DENND1B: variants seen among roughly 807,000 people sequenced by gnomAD.
DENND1B encodes the protein DENN domain-containing protein 1B.
DENND1B carries 59 observed loss-of-function variants against 90.1 expected under a neutral mutation model. The observed-to-expected ratio is 0.65, with a 90% CI of 0.53 to 0.81. The LOEUF is 0.81. Among genes scored for constraint, DENND1B ranks in the 40% least tolerant of loss-of-function variants. The probability of loss-of-function intolerance (pLI) is 0.00; values close to 1 mark genes in which losing one functional copy is unlikely to be tolerated. For missense variants in DENND1B, 862 were observed against 912.6 expected (o/e 0.94, Z 0.71); for synonymous variants, 337 against 324.6 (o/e 1.04, Z -0.41).
chr1:197,581,963 T>C (rs1037578667), intron 15 of DENND1B, among the ~76,000 whole-genome samples: 2 of 152,198 alleles, frequency 1.3e-5, no homozygotes, highest in African/African-American at 4.8e-5. Context: ...TATAAAGCAC[T>C]ATCACTTGAT....
In DENND1B at chr1:197,672,135, T is replaced by C. The variant is rs763802199; in HGVS notation, c.198A>G (p.Gly66=). 2.5e-6 allele frequency: 4 copies of C among 1,610,742 alleles called. No homozygotes were observed. The highest frequency in any genetic ancestry group is 1.1e-5 in the South Asian group (1 of 90,524). ...DVERVSQNQV[G]QHFTFVLTDI... ...CTGTCAGTACAAAGGTAAAGTGCTGTCCAACTTGATTCTGAGACACCCTAA... is the reference window on the plus strand; with the variant it reads ...CTGTCAGTACAAAGGTAAAGTGCTGCCCAACTTGATTCTGAGACACCCTAA... Residue 66 remains glycine (G), a synonymous_variant, in exon 5 of 23, where the codon GGA becomes GGG. Coordinates refer to ENST00000620048, the MANE Select transcript of DENND1B (RefSeq NM_001195215.2).
intron 6 of DENND1B, among the ~76,000 whole-genome samples, chr1:197,657,060 A>G (rs961043914): frequency 1.3e-5 from 2 of 152,152 alleles, no homozygotes; most frequent in African/African-American, 4.8e-5. Flanking sequence ...CAAAAACTAG[A>G]TAAATTGGAC....
chr1:197,627,166 TA>T (rs1396484355), intron 10 of DENND1B, among the ~76,000 whole-genome samples: 1 of 152,122 alleles, frequency 6.6e-6, no homozygotes, highest in Non-Finnish European at 1.5e-5. Flanking sequence ...GAATCCTCCC[TA>T]ACTCATTTTA....
chr1:197,618,241 T>C (rs1677837565), intron 10 of DENND1B, among the ~76,000 whole-genome samples: 1 of 151,076 alleles, frequency 6.6e-6, no homozygotes, highest in Non-Finnish European at 1.5e-5. Flanking sequence ...GAAGCTGCAA[T>C]AATATCAGGG....
chr1:197,732,720 G>A (rs2102324463), intron 2 of DENND1B, among the ~76,000 whole-genome samples: 1 of 152,328 alleles, frequency 6.6e-6, no homozygotes, highest in Middle Eastern at 3.4e-3. Context: ...TGACTGACAA[G>A]AGGAGAAGCA....
intron 2 of DENND1B, among the ~76,000 whole-genome samples, chr1:197,740,837 A>G (rs1196099727): frequency 6.6e-6 from 1 of 152,182 alleles, no homozygotes; most frequent in African/African-American, 2.4e-5. Flanking sequence ...TGAAGAAAAG[A>G]CTATACTTAT....
At chr1:197,610,109 A>T (rs1178977326) in intron 12 of DENND1B, among the ~76,000 whole-genome samples, 1 of 150,750 alleles carries the variant, frequency 6.6e-6, no homozygotes, top group East Asian at 1.9e-4. Context: ...ATAGCTTCTC[A>T]TTCACTAATA....
chr1:197,665,841 A>G (rs1654887967), intron 5 of DENND1B, among the ~76,000 whole-genome samples: 1 of 152,144 alleles, frequency 6.6e-6, no homozygotes, highest in Non-Finnish European at 1.5e-5. Context: ...TTATCACAAT[A>G]GAAAAAAATT....
At chr1:197,713,760 AATTAT>A (rs1340422850) in intron 3 of DENND1B, among the ~76,000 whole-genome samples, 1 of 67,740 alleles carries the variant, frequency 1.5e-5, no homozygotes, top group Non-Finnish European at 2.7e-5. Context: ...AAAAAAAAAT[AATTAT>A]ATTATATTAT....
chr1:197,648,344 A>G (rs1680917956), intron 7 of DENND1B, among the ~76,000 whole-genome samples: 1 of 152,180 alleles, frequency 6.6e-6, no homozygotes, highest in African/African-American at 2.4e-5. Context: ...AGTGACTGTA[A>G]CTTAACCCAA....
chr1:197,525,831 A>G (rs1669098528), intron 20 of DENND1B, among the ~76,000 whole-genome samples: 1 of 152,052 alleles, frequency 6.6e-6, no homozygotes, highest in Non-Finnish European at 1.5e-5. Flanking sequence ...TTGCAATTAT[A>G]TTTTGGTGTC....
At chr1:197,755,988 T>C (rs1039693027) in intron 2 of DENND1B, among the ~76,000 whole-genome samples, 4 of 152,190 alleles carry the variant, frequency 2.6e-5, no homozygotes, top group South Asian at 2.1e-4. Context: ...ATATCAGTAG[T>C]TACAAAGTAG....
At chr1:197,738,728 T>C (rs1311726936) in intron 2 of DENND1B, among the ~76,000 whole-genome samples, 1 of 152,198 alleles carries the variant, frequency 6.6e-6, no homozygotes, top group Non-Finnish European at 1.5e-5. Context: ...CAAGAGAAAG[T>C]ACAAACTGTA....
At chr1:197,768,224 C>G in intron 2 of DENND1B, among the ~76,000 whole-genome samples, 1 of 151,786 alleles carries the variant, frequency 6.6e-6, no homozygotes, top group Non-Finnish European at 1.5e-5. Context: ...CCTGCTCCTC[C>G]TCCTCCTTCT....
At chr1:197,698,768 GAAT>G (rs1365602322) in intron 3 of DENND1B, among the ~76,000 whole-genome samples, 1 of 152,120 alleles carries the variant, frequency 6.6e-6, no homozygotes, top group Non-Finnish European at 1.5e-5. Context: ...TACCATCAGA[GAAT>G]AATATAAACA....
At chr1:197,702,063 A>T (rs1448864038) in intron 3 of DENND1B, among the ~76,000 whole-genome samples, 2 of 152,178 alleles carry the variant, frequency 1.3e-5, no homozygotes, top group Non-Finnish European at 2.9e-5. Flanking sequence ...CTATCAATAA[A>T]GTAGATTATA....
intron 20 of DENND1B, among the ~76,000 whole-genome samples, chr1:197,520,936 G>A (rs1668730689): frequency 6.6e-6 from 1 of 151,860 alleles, no homozygotes; most frequent in African/African-American, 2.4e-5. Flanking sequence ...TGCTTGCTAA[G>A]AATGTGAAAA....
chr1:197,515,939 T>C (rs1161101149), intron 20 of DENND1B, among the ~76,000 whole-genome samples: 2 of 151,878 alleles, frequency 1.3e-5, no homozygotes, highest in Non-Finnish European at 2.9e-5. Context: ...ATTCTGTAGC[T>C]GTCTGCATAT....
chr1:197,745,434 G>C (rs1663624315), intron 2 of DENND1B, among the ~76,000 whole-genome samples: 1 of 152,160 alleles, frequency 6.6e-6, no homozygotes, highest in South Asian at 2.1e-4. Context: ...TCAGGGAATA[G>C]TGAGCCCCAG....
Sources: allele counts gnomAD v4.1 joint callset (sites outside exome capture counted in the v4.1 genomes callset), GRCh38; gene constraint gnomAD v4.1.1; transcripts MANE v1.5; gene names NCBI Gene and HGNC (gene_info 2026-07-23, HGNC 2026-07-21).